Variants in DUS3L observed in about 807,000 individuals in gnomAD.
DUS3L encodes the protein tRNA-dihydrouridine(47) synthase [NAD(P)(+)]-like.
Under a neutral mutation model 74.6 loss-of-function variants are expected in DUS3L, and 62 were observed. The ratio of observed to expected loss-of-function variants is 0.83; its 90% confidence interval spans 0.68 to 1.03. The LOEUF is 1.03. Ranked by LOEUF, DUS3L falls within the 50% of genes least tolerant of loss-of-function variation. The pLI is 0.00. For synonymous variants in DUS3L, 433 were observed against 395.7 expected (o/e 1.09, Z -1.12); for missense variants, 884 against 924.4 (o/e 0.96, Z 0.57).
At chr19:5,785,308 C>A in intron 12 of DUS3L, 33 bp from the exon 13 acceptor site, 1 of 1,609,716 alleles carries the variant, frequency 6.2e-7, no homozygotes, top group Non-Finnish European at 8.5e-7. Context: ...CGAGGTCAGG[C>A]CCAGGACCTG....
At chr19:5,786,692 A>G in intron 9 of DUS3L, 57 bp downstream of exon 9, 1 of 1,592,986 alleles carries the variant, frequency 6.3e-7, no homozygotes, top group Non-Finnish European at 8.5e-7. Context: ...AACAGCCCAG[A>G]GGTGTGAGTG....
chr19:5,787,534 G>A, intron 6 of DUS3L, 55 bp downstream of exon 6: 4 of 1,588,890 alleles, frequency 2.5e-6, no homozygotes, highest in Non-Finnish European at 3.4e-6. Context: ...CGCCGGCTGG[G>A]TCAGTGCCTC....
Position 5,785,217 on chromosome 19 carries a change from T to C in DUS3L, c.1939A>G (p.Asn647Asp). The change falls in exon 13 of 13, where the codon AAC (asparagine) becomes GAC (aspartate). Residue 647 changes from asparagine to aspartate, a missense_variant. By Grantham distance (23) the Asn-to-Asp change is conservative. Coordinates refer to ENST00000309061, the MANE Select transcript of DUS3L (RefSeq NM_020175.3). Reference protein sequence around the residue: ...SFAFLPKHKANAYK With the variant: ...SFAFLPKHKADAYK ...AAAGCCTGAGGCTACTTGTACGCGT[T>C]GGCCTTGTGCTTCGGCAAGAAGGCG... is the stretch of plus-strand genomic sequence containing the variant. 6.2e-7 allele frequency: 1 copy of C among 1,608,874 alleles called. No homozygotes were observed. Among genetic ancestry groups the C allele is most frequent in the Non-Finnish European group, 8.5e-7 (1 of 1,178,344 alleles).
rs377611756 is a variant in DUS3L, at chr19:5,788,308, A to G, written c.942+49T>C. On this transcript the variant is annotated intron_variant, in intron 4 of 12. Coordinates refer to ENST00000309061, the MANE Select transcript of DUS3L (RefSeq NM_020175.3). Reference sequence around the variant, plus strand: ...ACAGACACTAAGCCCTGTTGGAATGACCACACTGCCACCCTGCCACCCGAC... The same window carrying G: ...ACAGACACTAAGCCCTGTTGGAATGGCCACACTGCCACCCTGCCACCCGAC... 6 of 1,612,700 alleles carry G rather than the reference A, an allele frequency of 3.7e-6. No individual in the cohort carries two copies. The African/African-American group carries it at 6.7e-5, about 18-fold the overall frequency.
chr19:5,790,815 C>A, intron 1 of DUS3L: 1 of 597,752 alleles, frequency 1.7e-6, no homozygotes, highest in Non-Finnish European at 3.0e-6. Flanking sequence ...GCCTCAAATC[C>A]CACCTGCCCT....
intron 10 of DUS3L, 185 bp from the exon 11 acceptor site, chr19:5,785,976 G>T: frequency 1.5e-6 from 1 of 654,432 alleles, no homozygotes; most frequent in Non-Finnish European, 2.5e-6. Context: ...CTGAGACGGA[G>T]TCTGGCTCTG....
intron 3 of DUS3L, among the ~76,000 whole-genome samples, chr19:5,788,780 C>G (rs1318647051): frequency 6.6e-6 from 1 of 150,632 alleles, no homozygotes; most frequent in Non-Finnish European, 1.5e-5. Flanking sequence ...AATCTTGGCT[C>G]ACTGCAACAT....
rs1432111503 is a variant in DUS3L, at chr19:5,790,200, C to T, written c.234G>A (p.Glu78=). ...TCTGCCCGTCCGCCGTCTGTCCATCCTCCAGTCGGATCCGCTTAGCCTCAG... is the reference window on the plus strand; with the variant it reads ...TCTGCCCGTCCGCCGTCTGTCCATCTTCCAGTCGGATCCGCTTAGCCTCAG... ...AEPEAKRIRL[E]DGQTADGQTE... is the part of the protein sequence containing the mutation. The change falls in exon 2 of 13, where the codon GAG becomes GAA. Residue 78 remains glutamate, a synonymous_variant. Coordinates refer to ENST00000309061, the MANE Select transcript of DUS3L (RefSeq NM_020175.3). 2.5e-6 allele frequency: 4 copies of T among 1,614,212 alleles called. No homozygotes were observed. The highest frequency in any genetic ancestry group is 1.7e-5 in the Admixed American group (1 of 60,020).
Position 5,789,267 on chromosome 19 carries a change from C to A in DUS3L, c.840G>T (p.Arg280=), listed in dbSNP as rs764118813. Residue 280 remains arginine (R), a synonymous_variant, in exon 3 of 13, where the codon CGG becomes CGT. Coordinates refer to ENST00000309061, the MANE Select transcript of DUS3L (RefSeq NM_020175.3). ...GTSTPPSSPV[R]TCGPLTDEDV... ...CCTCATCCGTCAGGGGCCCGCAGGT[C>A]CGCACGGGGCTGCTGGGAGGGGTGC... is the stretch of plus-strand genomic sequence containing the variant. 2 of 1,579,176 alleles carry A rather than the reference C, an allele frequency of 1.3e-6. No individual in the cohort carries two copies. Among genetic ancestry groups the A allele is most frequent in the Admixed American group, 1.9e-5 (1 of 53,076 alleles).
intron 3 of DUS3L, among the ~76,000 whole-genome samples, chr19:5,788,867 C>A (rs113682386): frequency 5.3e-5 from 8 of 152,062 alleles, no homozygotes; most frequent in Non-Finnish European, 1.0e-4. Context: ...CCACCAGGCC[C>A]GGCTAATTTT....
chr19:5,790,170 C>T lies in DUS3L; in HGVS notation c.264G>A (p.Glu88=). 6.2e-7 allele frequency: 1 copy of T among 1,614,174 alleles called. No homozygotes were observed. The highest frequency in any genetic ancestry group is 8.5e-7 in the Non-Finnish European group (1 of 1,180,038). The change falls in exon 2 of 13, where the codon GAG becomes GAA. Residue 88 remains glutamate, a synonymous_variant. Coordinates refer to ENST00000309061, the MANE Select transcript of DUS3L (RefSeq NM_020175.3). Reference sequence around the variant, plus strand: ...GCTGCTCCCCGGGCTCTGCTGCCTCCTCCGTCTGCCCGTCCGCCGTCTGTC... The same window carrying T: ...GCTGCTCCCCGGGCTCTGCTGCCTCTTCCGTCTGCCCGTCCGCCGTCTGTC... ...EDGQTADGQT[E]EAAEPGEQLQ...
chr19:5,786,718 G>C, intron 9 of DUS3L, 31 bp downstream of exon 9: 1 of 1,605,210 alleles, frequency 6.2e-7, no homozygotes, highest in Non-Finnish European at 8.5e-7. Context: ...GGGTGGTAGG[G>C]GAGAGGGAGG....
Position 5,788,008 on chromosome 19 carries a change from C to T in DUS3L, c.1095+16G>A, listed in dbSNP as rs376448715. The T allele has an allele frequency of 9.3e-6, 15 of 1,610,966 alleles. No homozygotes were observed. The highest frequency in any genetic ancestry group is 3.3e-5 in the South Asian group (3 of 91,004). ...GAGGGCCCCTCCACTCTCCCTCCCT[C>T]GGGGTGGGCACTGACCTGGACGCCA... On this transcript the variant is annotated intron_variant, in intron 5 of 12. Coordinates refer to ENST00000309061, the MANE Select transcript of DUS3L (RefSeq NM_020175.3).
rs773640452 is a variant in DUS3L at position 5,785,419 on chromosome 19, A to G, written c.1844T>C (p.Met615Thr). Residue 615 changes from methionine (M) to threonine (T), a missense_variant, in exon 12 of 13, where the codon ATG becomes ACG. Transcript: ENST00000309061. ...CCAGTCGGCTGCCTTCTGGCTGGCC[A>G]TCAGCGTCTCCAGGTAGTCGCGGCC... ...YLGRDYLETL[M>T]ASQKAADWIR... is the part of the protein sequence containing the mutation. 2.5e-6 allele frequency: 4 copies of G among 1,595,018 alleles called. No individual in the cohort carries two copies. Among genetic ancestry groups the G allele is most frequent in the Middle Eastern group, 1.7e-4 (1 of 5,962 alleles).
At chr19:5,789,039 G>T (rs919739280) in intron 3 of DUS3L, 168 bp downstream of exon 3, 9 of 1,041,344 alleles carry the variant, frequency 8.6e-6, no homozygotes, top group South Asian at 4.5e-5. Flanking sequence ...ACCTCCTGAG[G>T]GCTGGGCCCA....
rs1229973147 is a variant in DUS3L at position 5,785,692 on chromosome 19, G to A, written c.1662C>T (p.Thr554=). 1 of 1,612,650 alleles carries A rather than the reference G, an allele frequency of 6.2e-7. No individual in the cohort carries two copies. The highest frequency in any genetic ancestry group is 1.1e-5 in the South Asian group (1 of 91,072). The change falls in exon 11 of 13, where the codon ACC becomes ACT. Residue 554 remains threonine, a synonymous_variant. Transcript: ENST00000309061. ...SERLDILRDF[T]NYGLEHWGSD... ...AGCCCCAGTGCTCCAGGCCGTAGTT[G>A]GTGAAGTCCCGCAGGATGTCCAGGC...
At chr19:5,788,792 C>T (rs911449599) in intron 3 of DUS3L, among the ~76,000 whole-genome samples, 10 of 151,628 alleles carry the variant, frequency 6.6e-5, no homozygotes, top group Admixed American at 2.0e-4. Context: ...CTGCAACATC[C>T]GCCTCCTGGG....
At position 5,789,631 on chromosome 19, in the gene DUS3L, C is replaced by CCCAGGTCGGCCGGCTTGGTCT; in HGVS notation, c.455_475dup (p.Glu152_Leu158dup). The CCCAGGTCGGCCGGCTTGGTCT allele has an allele frequency of 6.2e-7, 1 of 1,603,896 alleles. No individual in the cohort carries two copies. The highest frequency in any genetic ancestry group is 8.5e-7 in the Non-Finnish European group (1 of 1,176,606). On this transcript the variant is annotated inframe_insertion, in exon 3 of 13. Transcript: ENST00000309061. ...GGTCTCGAAGAGCACGCAGCGGGGG[C>CCCAGGTCGGCCGGCTTGGTCT]CCAGGTCGGCCGGCTTGGTCTCCAG... is the stretch of plus-strand genomic sequence containing the variant.
intron 4 of DUS3L, 44 bp from the exon 5 acceptor site, chr19:5,788,220 C>T: frequency 6.4e-7 from 1 of 1,571,564 alleles, no homozygotes; most frequent in Non-Finnish European, 8.7e-7. Flanking sequence ...TGCACGCGCA[C>T]ACACACACAC....
Sources: allele counts gnomAD v4.1 joint callset (sites outside exome capture counted in the v4.1 genomes callset), GRCh38; gene constraint gnomAD v4.1.1; transcripts MANE v1.5; gene names NCBI Gene and HGNC (gene_info 2026-07-23, HGNC 2026-07-21).